Variants in AGPAT3 observed in about 807,000 individuals in gnomAD.
AGPAT3 encodes 1-acylglycerol-3-phosphate O-acyltransferase 3.
A neutral mutation model predicts 47.3 loss-of-function variants in AGPAT3; 5 were observed. That is an observed-to-expected ratio of 0.11 (90% CI 0.06 to 0.22). AGPAT3 has a LOEUF of 0.22. Ranked by LOEUF, AGPAT3 falls within the 10% of genes least tolerant of loss-of-function variation. The pLI is 1.00. For synonymous variants in AGPAT3, 212 were observed against 208.3 expected, an observed-to-expected ratio of 1.02 and a Z score of -0.15; for missense variants, 315 against 493.0, an observed-to-expected ratio of 0.64 and a Z score of 3.42.
chr21:43,979,079 C>G (rs2089735697), intron 8 of AGPAT3, among the ~76,000 whole-genome samples: 1 of 152,054 alleles, frequency 6.6e-6, no homozygotes, highest in Non-Finnish European at 1.5e-5. Flanking sequence ...GGGCAGATCA[C>G]CTGAGGTCAG....
intron 2 of AGPAT3, chr21:43,950,611 A>G (rs376610723): frequency 6.6e-6 from 1 of 152,236 alleles, no homozygotes; most frequent in Non-Finnish European, 1.5e-5. Context: ...CAGTCACCGC[A>G]TTGTGCCCTC....
chr21:43,958,469 G>T (rs1234639111), intron 2 of AGPAT3, among the ~76,000 whole-genome samples: 1 of 151,322 alleles, frequency 6.6e-6, no homozygotes, highest in Non-Finnish European at 1.5e-5. Flanking sequence ...GTGGTTTGTG[G>T]TATGGTGCTT....
intron 2 of AGPAT3, among the ~76,000 whole-genome samples, chr21:43,953,217 G>A (rs901441290): frequency 3.9e-5 from 6 of 152,350 alleles, no homozygotes; most frequent in African/African-American, 9.6e-5. Context: ...ACAGAGAGAC[G>A]TGCCATCCAA....
chr21:43,924,816 G>A (rs2087000917), intron 2 of AGPAT3, among the ~76,000 whole-genome samples: 1 of 152,256 alleles, frequency 6.6e-6, no homozygotes. Context: ...CCTGTGGGCT[G>A]AGTCCAGGGC....
chr21:43,887,073 T>C (rs2085995362), intron 1 of AGPAT3, among the ~76,000 whole-genome samples: 1 of 152,242 alleles, frequency 6.6e-6, no homozygotes, highest in Non-Finnish European at 1.5e-5. Flanking sequence ...AGTGGTTTGC[T>C]GGAGATTTCA....
At chr21:43,919,647 A>G (rs1012693740) in intron 2 of AGPAT3, 1 of 152,226 alleles carries the variant, frequency 6.6e-6, no homozygotes, top group Non-Finnish European at 1.5e-5. Flanking sequence ...CCTCTGGTAG[A>G]TACCCAGGAG....
At chr21:43,901,783 A>G (rs2086364108) in intron 1 of AGPAT3, among the ~76,000 whole-genome samples, 1 of 152,176 alleles carries the variant, frequency 6.6e-6, no homozygotes, top group Non-Finnish European at 1.5e-5. Context: ...AAAAAGAAAA[A>G]AGACCCAAAT....
rs376537853 is a variant in AGPAT3 at position 43,970,979 on chromosome 21, G to T, written c.664+173G>T. On this transcript the variant is annotated intron_variant, in intron 6 of 9. Coordinates refer to ENST00000291572, the MANE Select transcript of AGPAT3 (RefSeq NM_020132.5). This position sits in a 1 kb window ranked among gnomAD's most constrained non-coding sequence, Gnocchi z 5.8. Reference sequence around the variant, plus strand: ...AGGTTCCCGCGTCAGGTTTTGAGGTGATAAAATGCTAATTCATGAGAAACA... The same window carrying T: ...AGGTTCCCGCGTCAGGTTTTGAGGTTATAAAATGCTAATTCATGAGAAACA... Among the ~76,000 whole-genome samples the T allele has an allele frequency of 6.6e-6, 1 of 151,710 alleles. No individual in the cohort carries two copies. The highest frequency in any genetic ancestry group is 1.9e-4 in the East Asian group (1 of 5,186).
In AGPAT3 at chr21:43,986,539, A is replaced by T. The variant is rs2147021740; in HGVS notation, c.*4147A>T. On this transcript the variant is annotated 3_prime_UTR_variant, in exon 10 of 10. Transcript: ENST00000291572. Reference sequence around the variant, plus strand: ...CTGGAGTTACTTGATACAATGAAGAAATGCATCTGATCTACTTGTATTTAT... The same window carrying T: ...CTGGAGTTACTTGATACAATGAAGATATGCATCTGATCTACTTGTATTTAT... 6.5e-6 allele frequency: 1 copy of T among 152,804 alleles called. No homozygotes were observed. Among genetic ancestry groups the T allele is most frequent in the East Asian group, 1.9e-4 (1 of 5,194 alleles). 9.5% of individuals were successfully genotyped at this position (152,804 alleles called of 1,614,324 possible).
chr21:43,955,317 TC>T lies in AGPAT3; in HGVS notation c.-48-4314del. 9.4e-7 allele frequency: 1 copy of T among 1,066,910 alleles called. No individual in the cohort carries two copies. The highest frequency in any genetic ancestry group is 1.2e-6 in the Non-Finnish European group (1 of 845,172). The allele number at this position is 1,066,910 out of a possible 1,614,324, so 66.1% of individuals were successfully genotyped here. On this transcript the variant is annotated intron_variant, in intron 2 of 9. Coordinates refer to ENST00000291572, the MANE Select transcript of AGPAT3 (RefSeq NM_020132.5). This position sits in a 1 kb window ranked among gnomAD's most constrained non-coding sequence, Gnocchi z 4.1. ...TGGGGAAGGACTTGGATGGAAATGTTCCCTGTTGCAGTGTGGTGGGGTCACA... is the reference window on the plus strand; with the variant it reads ...TGGGGAAGGACTTGGATGGAAATGTTCCTGTTGCAGTGTGGTGGGGTCACA...
At chr21:43,891,907 C>T (rs149070236) in intron 1 of AGPAT3, among the ~76,000 whole-genome samples, 56 of 152,214 alleles carry the variant, frequency 3.7e-4, no homozygotes, top group African/African-American at 1.2e-3. Context: ...GAATCCTTTC[C>T]GGAAGGTTTT....
rs374461264 is a variant in AGPAT3 at position 43,971,221 on chromosome 21, A to G, written c.665-167A>G. ...GAATGGGGAAAAAAGAGGGGGAAAGAAAACTTAGAGAAGAGGTCCTGGTGT... is the reference window on the plus strand; with the variant it reads ...GAATGGGGAAAAAAGAGGGGGAAAGGAAACTTAGAGAAGAGGTCCTGGTGT... On this transcript the variant is annotated intron_variant, in intron 6 of 9. Coordinates refer to ENST00000291572, the MANE Select transcript of AGPAT3 (RefSeq NM_020132.5). 1.1e-3 allele frequency among the ~76,000 whole-genome samples: 171 copies of G among 152,320 alleles called. 2 individuals are homozygous for G. In the East Asian group the frequency reaches 0.021, roughly 19 times the overall value.
intron 2 of AGPAT3, among the ~76,000 whole-genome samples, chr21:43,918,421 G>C (rs1055982275): frequency 2.6e-5 from 4 of 152,066 alleles, no homozygotes; most frequent in Non-Finnish European, 4.4e-5. Flanking sequence ...AGGGAAAAGG[G>C]TATAATTGCA....
intron 2 of AGPAT3, among the ~76,000 whole-genome samples, chr21:43,909,184 T>C (rs945799798): frequency 6.6e-6 from 1 of 152,228 alleles, no homozygotes; most frequent in African/African-American, 2.4e-5. Flanking sequence ...GCCGATCCTC[T>C]GACATCACTT....
intron 1 of AGPAT3, among the ~76,000 whole-genome samples, chr21:43,873,147 C>T (rs1010701383): frequency 2.0e-5 from 3 of 152,146 alleles, no homozygotes; most frequent in Admixed American, 6.5e-5. Context: ...GTGTGCTTCC[C>T]GGGGGACATG....
chr21:43,968,036 C>T lies in AGPAT3; in HGVS notation c.269C>T (p.Ala90Val), dbSNP rs2146736268. 6.2e-7 allele frequency: 1 copy of T among 1,613,928 alleles called. No individual in the cohort carries two copies. Among genetic ancestry groups the T allele is most frequent in the Non-Finnish European group, 8.5e-7 (1 of 1,179,998 alleles). The change falls in exon 4 of 10, where the codon GCA becomes GTA. Residue 90 changes from alanine to valine, a missense_variant. Transcript: ENST00000291572. The part of the protein sequence containing the change: ...ATVERFGKEH[A>V]VIILNHNFEI... Reference sequence around the variant, plus strand: ...GTAGAGCGCTTTGGGAAGGAGCACGCAGTCATCATCCTCAACCACAACTTC... The same window carrying T: ...GTAGAGCGCTTTGGGAAGGAGCACGTAGTCATCATCCTCAACCACAACTTC...
At chr21:43,972,062 T>C (rs2089419589) in intron 7 of AGPAT3, among the ~76,000 whole-genome samples, 1 of 152,064 alleles carries the variant, frequency 6.6e-6, no homozygotes, top group Non-Finnish European at 1.5e-5. Flanking sequence ...GGCTTTCTGC[T>C]GGCCCTGGTG....
At chr21:43,901,974 T>A (rs1446797893) in intron 1 of AGPAT3, among the ~76,000 whole-genome samples, 1 of 152,164 alleles carries the variant, frequency 6.6e-6, no homozygotes, top group Non-Finnish European at 1.5e-5. Flanking sequence ...GAAACTGATT[T>A]CCAGAAAAGA....
intron 7 of AGPAT3, among the ~76,000 whole-genome samples, chr21:43,977,659 C>T (rs2070543): frequency 0.25 from 37,707 of 152,002 alleles, 4,765 homozygotes; most frequent in Admixed American, 0.31. Flanking sequence ...GGGTGGATCA[C>T]GAGGTCAAGA....
Sources: gnomAD v4.1 joint callset for allele counts (sites outside exome capture counted in the v4.1 genomes callset) on GRCh38, gnomAD v4.1.1 for gene constraint, Gnocchi (gnomAD v3.1) non-coding constraint, MANE v1.5 for transcripts, NCBI Gene and HGNC (gene_info 2026-07-23, HGNC 2026-07-21) for gene names.